Variants in LRRC4C observed in about 807,000 individuals in gnomAD.
LRRC4C encodes leucine-rich repeat-containing protein 4C.
LRRC4C carries 5 observed loss-of-function variants against 33.6 expected under a neutral mutation model. The ratio of observed to expected loss-of-function variants is 0.15; its 90% CI spans 0.08 to 0.31. The LOEUF is 0.31. Ranked by LOEUF, LRRC4C falls within the 10% of genes least tolerant of loss-of-function variation. LRRC4C has a pLI of 1.00. For synonymous variants in LRRC4C, 329 were observed against 302.0 expected, an observed-to-expected ratio of 1.09 and a Z score of -0.93; for missense variants, 560 against 796.7, an observed-to-expected ratio of 0.70 and a Z score of 3.58.
intron 3 of LRRC4C, among the ~76,000 whole-genome samples, chr11:40,337,482 T>C (rs924263934): frequency 6.6e-6 from 1 of 152,178 alleles, no homozygotes; most frequent in Non-Finnish European, 1.5e-5. Flanking sequence ...GTCAGTGTTT[T>C]TGCTCCCTAG....
chr11:40,981,318 G>A (rs1852518137), intron 1 of LRRC4C, among the ~76,000 whole-genome samples: 2 of 152,014 alleles, frequency 1.3e-5, no homozygotes, highest in African/African-American at 2.4e-5. Context: ...GGAGGCTGAG[G>A]CAGGAGAATC....
chr11:41,192,629 A>T (rs1946007715), intron 1 of LRRC4C, among the ~76,000 whole-genome samples: 1 of 152,064 alleles, frequency 6.6e-6, no homozygotes, highest in South Asian at 2.1e-4. Context: ...GCATATTTTG[A>T]AAAATACCTG....
At chr11:40,726,164 C>CAA (rs372703808) in intron 2 of LRRC4C, among the ~76,000 whole-genome samples, 145 of 136,366 alleles carry the variant, frequency 1.1e-3, no homozygotes, top group Non-Finnish European at 1.6e-3. Flanking sequence ...ACCTATCAAC[C>CAA]AAAAAAAAAA....
At chr11:41,363,952 G>T (rs143613359) in intron 1 of LRRC4C, among the ~76,000 whole-genome samples, 281 of 152,108 alleles carry the variant, frequency 1.8e-3, no homozygotes, top group African/African-American at 6.3e-3. Flanking sequence ...TATTTATAAG[G>T]TTCCCACTCA....
At chr11:40,583,468 C>A (rs1958567799) in intron 3 of LRRC4C, among the ~76,000 whole-genome samples, 1 of 152,208 alleles carries the variant, frequency 6.6e-6, no homozygotes, top group African/African-American at 2.4e-5. Flanking sequence ...CCAATCTTCA[C>A]AAATTACATG....
At chr11:41,085,228 T>C (rs1168970632) in intron 1 of LRRC4C, among the ~76,000 whole-genome samples, 2 of 152,120 alleles carry the variant, frequency 1.3e-5, no homozygotes, top group East Asian at 3.9e-4. Flanking sequence ...AATTTCCAAA[T>C]CCTCTTGAAC....
chr11:40,557,058 G>T (rs570424093), intron 3 of LRRC4C, among the ~76,000 whole-genome samples: 2 of 152,142 alleles, frequency 1.3e-5, no homozygotes, highest in Middle Eastern at 3.4e-3. Flanking sequence ...CATGTGCTCT[G>T]AGACTTAGCT....
At chr11:41,345,114 A>G (rs960783174) in intron 1 of LRRC4C, among the ~76,000 whole-genome samples, 1 of 152,204 alleles carries the variant, frequency 6.6e-6, no homozygotes, top group Non-Finnish European at 1.5e-5. Flanking sequence ...AATTCTGGTG[A>G]AATAAGCTAT....
chr11:40,208,256 G>T (rs537670364), intron 5 of LRRC4C, among the ~76,000 whole-genome samples: 225 of 152,272 alleles, frequency 1.5e-3, no homozygotes, highest in Non-Finnish European at 2.9e-3. Flanking sequence ...AAATTACATG[G>T]AGTAAACGAA....
chr11:40,414,320 T>C, intron 3 of LRRC4C, among the ~76,000 whole-genome samples: 1 of 152,058 alleles, frequency 6.6e-6, no homozygotes, highest in East Asian at 1.9e-4. Context: ...TGAACATTAT[T>C]TTTGGCTAAA....
At chr11:40,217,674 T>C (rs1434755569) in intron 5 of LRRC4C, among the ~76,000 whole-genome samples, 2 of 152,160 alleles carry the variant, frequency 1.3e-5, no homozygotes, top group Non-Finnish European at 2.9e-5. Flanking sequence ...AGTCAGTAAA[T>C]TTATTCAGTG....
chr11:41,445,320 G>C (rs183237879), intron 1 of LRRC4C, among the ~76,000 whole-genome samples: 2 of 152,170 alleles, frequency 1.3e-5, no homozygotes, highest in East Asian at 1.9e-4. Flanking sequence ...TATTTCTCTC[G>C]CATTTTAATT....
chr11:40,538,371 G>C (rs111300674), intron 3 of LRRC4C, among the ~76,000 whole-genome samples: 8,966 of 152,020 alleles, frequency 0.059, 369 homozygotes, highest in Admixed American at 0.084. Flanking sequence ...CTATGAGTGA[G>C]CATATGCAGT....
At position 41,044,033 on chromosome 11, in the gene LRRC4C, G is replaced by A. The variant is rs1009805358; in HGVS notation, c.-495-110310C>T. ...CCTCATCACATACACCTAATGAAGT[G>A]CAGTAGAAACAAGATTCCTGAATTT... On this transcript the variant is annotated intron_variant, in intron 1 of 6. Transcript: ENST00000528697. Among the ~76,000 whole-genome samples, 3 of 152,088 alleles carry A rather than the reference G, an allele frequency of 2.0e-5. No homozygotes were observed. The East Asian group carries it at 5.8e-4, about 29-fold the overall frequency.
intron 1 of LRRC4C, among the ~76,000 whole-genome samples, chr11:41,043,412 A>C (rs1857569687): frequency 6.6e-6 from 1 of 152,174 alleles, no homozygotes; most frequent in Admixed American, 6.6e-5. Flanking sequence ...AACTTTACTT[A>C]AGGTTTTATT....
intron 1 of LRRC4C, among the ~76,000 whole-genome samples, chr11:41,031,592 A>C (rs1856731733): frequency 6.6e-6 from 1 of 152,022 alleles, no homozygotes; most frequent in Admixed American, 6.6e-5. Flanking sequence ...TATACTACCC[A>C]CTGTGGCAGC....
chr11:40,646,960 A>G (rs1942505687), intron 3 of LRRC4C, among the ~76,000 whole-genome samples: 1 of 152,130 alleles, frequency 6.6e-6, no homozygotes, highest in African/African-American at 2.4e-5. Context: ...TGTTTACCTC[A>G]CCATTGCTTC....
At chr11:40,883,893 G>GT (rs5791406) in intron 2 of LRRC4C, among the ~76,000 whole-genome samples, 118,370 of 146,276 alleles carry the variant, frequency 0.81, 48,484 homozygotes, top group Non-Finnish European at 0.88. Flanking sequence ...CCATAAGCTA[G>GT]TTTTTTTTTT....
intron 2 of LRRC4C, among the ~76,000 whole-genome samples, chr11:40,764,695 G>T (rs951665274): frequency 1.3e-5 from 2 of 151,972 alleles, no homozygotes; most frequent in African/African-American, 2.4e-5. Context: ...GGCCACAGGG[G>T]TGCTTGTGAC....
Sources: gnomAD v4.1 joint callset for allele counts (sites outside exome capture counted in the v4.1 genomes callset) on GRCh38, gnomAD v4.1.1 for gene constraint, MANE v1.5 for transcripts, NCBI Gene and HGNC (gene_info 2026-07-23, HGNC 2026-07-21) for gene names.